The following MMP17 variants were observed in gnomAD, a reference collection of about 807,000 sequenced individuals.
MMP17 encodes matrix metalloproteinase-17.
MMP17 carries 54 observed loss-of-function variants against 49.1 expected under a neutral mutation model. The observed-to-expected ratio is 1.10, with a 90% CI of 0.88 to 1.38. MMP17 has a LOEUF of 1.38. Among genes scored for constraint, MMP17 ranks in the 40% most tolerant of loss-of-function variants. The pLI is 0.00. For synonymous variants in MMP17, 397 were observed against 383.1 expected (o/e 1.04, Z -0.42); for missense variants, 837 against 853.7 (o/e 0.98, Z 0.24).
rs534877096 is a variant in MMP17, at chr12:131,850,030, C to T, written c.1433C>T (p.Thr478Met). 16 of 1,612,844 alleles carry T rather than the reference C, an allele frequency of 9.9e-6. No homozygotes were observed. Among genetic ancestry groups the T allele is most frequent in the South Asian group, 4.4e-5 (4 of 91,074 alleles). ...CCCCTGTGGAGGGGTGTCCCCAGCACGCTGGACGACGCCATGCGCTGGTCC... is the reference window on the plus strand; with the variant it reads ...CCCCTGTGGAGGGGTGTCCCCAGCATGCTGGACGACGCCATGCGCTGGTCC... ...QSPLWRGVPS[T>M]LDDAMRWSDG... Residue 478 changes from threonine (T) to methionine (M), a missense_variant, in exon 9 of 10, where the codon ACG becomes ATG. Physicochemically the swap from Thr to Met is moderately conservative, Grantham distance 81. Transcript: ENST00000360564.
In MMP17 at chr12:131,845,198, A is replaced by G; in HGVS notation, c.1049A>G (p.Lys350Arg). ...ATCCGGGGTGAAGCTTTCTTCTTCA[A>G]AGGTACCTCCAGGGTTCCCGTGGCG... ...AQIRGEAFFFKGKYFWRLTRD... is the reference protein window; with the variant it reads ...AQIRGEAFFFRGKYFWRLTRD... The change falls in exon 7 of 10, where the codon AAA becomes AGA. Residue 350 changes from lysine to arginine, a missense_variant and splice_region_variant. By Grantham distance (26) the Lys-to-Arg change is conservative (BLOSUM62 2). Coordinates refer to ENST00000360564, the MANE Select transcript of MMP17 (RefSeq NM_016155.7). 3 of 1,613,986 alleles carry G rather than the reference A, an allele frequency of 1.9e-6. No individual in the cohort carries two copies. The highest frequency in any genetic ancestry group is 1.7e-5 in the Admixed American group (1 of 60,028).
intron 8 of MMP17, among the ~76,000 whole-genome samples, chr12:131,848,370 G>A (rs999294468): frequency 6.6e-6 from 1 of 152,242 alleles, no homozygotes; most frequent in African/African-American, 2.4e-5. Flanking sequence ...ACAGGCATGA[G>A]CCACCACTCC....
Position 131,840,789 on chromosome 12 carries a change from CG to C in MMP17, c.641del (p.Gly214AlafsTer43). ...GGTVAHAFFPGHHHTAGDTHF... is the reference protein window; with the variant it reads ...GGTVAHAFFPXHHHTAGDTHF... ...GCACCGTGGCCCACGCCTTCTTCCCCGGCCACCACCACACCGCCGGGGACAC... is the reference window on the plus strand; with the variant it reads ...GCACCGTGGCCCACGCCTTCTTCCCCGCCACCACCACACCGCCGGGGACAC... On this transcript the variant is annotated frameshift_variant, in exon 4 of 10. Coordinates refer to ENST00000360564, the MANE Select transcript of MMP17 (RefSeq NM_016155.7). LOFTEE classifies it high-confidence loss of function. 1 of 1,605,992 alleles carries C rather than the reference CG, an allele frequency of 6.2e-7. No homozygotes were observed. Among genetic ancestry groups the C allele is most frequent in the Non-Finnish European group, 8.5e-7 (1 of 1,179,760 alleles).
Position 131,851,359 on chromosome 12 carries a change from A to C in MMP17, c.*85A>C. 1 of 1,223,066 alleles carries C rather than the reference A, an allele frequency of 8.2e-7. No homozygotes were observed. The highest frequency in any genetic ancestry group is 1.0e-6 in the Non-Finnish European group (1 of 955,136). The allele number at this position is 1,223,066 out of a possible 1,614,324, so 75.8% of individuals were successfully genotyped here. ...AGGACTGTGCCGGAGTCCCTGGGGGAGGTGCTGGCGCGGGATGAGGACGGG... is the reference window on the plus strand; with the variant it reads ...AGGACTGTGCCGGAGTCCCTGGGGGCGGTGCTGGCGCGGGATGAGGACGGG... On this transcript the variant is annotated 3_prime_UTR_variant, in exon 10 of 10. Coordinates refer to ENST00000360564, the MANE Select transcript of MMP17 (RefSeq NM_016155.7).
At chr12:131,849,310 C>A (rs1287089620) in intron 8 of MMP17, among the ~76,000 whole-genome samples, 2 of 152,096 alleles carry the variant, frequency 1.3e-5, no homozygotes. Context: ...ATGGTGAAAC[C>A]CCGTCTCTAC....
chr12:131,845,318 C>T lies in MMP17; in HGVS notation c.1073C>T (p.Thr358Met), dbSNP rs765048138. ...CCAGGCAAGTACTTCTGGCGGCTGA[C>T]GCGGGACCGGCACCTGGTGTCCCTG... ...FFKGKYFWRLTRDRHLVSLQP... is the reference protein window; with the variant it reads ...FFKGKYFWRLMRDRHLVSLQP... The change falls in exon 8 of 10, where the codon ACG becomes ATG. Residue 358 changes from threonine to methionine, a missense_variant. Transcript: ENST00000360564. The T allele has an allele frequency of 4.3e-5, 69 of 1,606,326 alleles. No homozygotes were observed. The highest frequency in any genetic ancestry group is 1.7e-4 in the Admixed American group (10 of 59,798).
chr12:131,828,414 A>G lies in MMP17; in HGVS notation c.-81A>G, dbSNP rs1381201668. 14 of 815,868 alleles carry G rather than the reference A, an allele frequency of 1.7e-5. No individual in the cohort carries two copies. Among genetic ancestry groups the G allele is most frequent in the African/African-American group, 3.7e-5 (2 of 53,636 alleles). 50.5% of individuals were successfully genotyped at this position (815,868 alleles called of 1,614,324 possible). On this transcript the variant is annotated 5_prime_UTR_variant, in exon 1 of 10. Transcript: ENST00000360564. ...GCTCAGTCCGGCGGGGGCGCCGCGGAGAGCGGAGGGCGCCGGGCTGCGGAA... is the reference window on the plus strand; with the variant it reads ...GCTCAGTCCGGCGGGGGCGCCGCGGGGAGCGGAGGGCGCCGGGCTGCGGAA...
Position 131,849,875 on chromosome 12 carries a change from C to T in MMP17, c.1278C>T (p.Leu426=), listed in dbSNP as rs983813336. The stretch of plus-strand genomic sequence containing the variant: ...CGCGCCCCGTCTCCGACTTCAGCCT[C>T]CCGCCTGGCGGCATCGACGCTGCCT... ...GYPRPVSDFS[L]PPGGIDAAFS... is the part of the protein sequence containing the mutation. Residue 426 remains leucine, a synonymous_variant, in exon 9 of 10, where the codon CTC becomes CTT. Transcript: ENST00000360564. 6 of 1,613,944 alleles carry T rather than the reference C, an allele frequency of 3.7e-6. No homozygotes were observed. The highest frequency in any genetic ancestry group is 1.6e-4 in the Middle Eastern group (1 of 6,084).
rs1887343512 is a variant in MMP17, at chr12:131,840,645, G to A, written c.495G>A (p.Lys165=). ...TVRALMYYAL[K]VWSDIAPLNF... ...GTGCACTCATGTACTACGCCCTCAAGGTCTGGAGCGACATTGCGCCCCTGA... is the reference window on the plus strand; with the variant it reads ...GTGCACTCATGTACTACGCCCTCAAAGTCTGGAGCGACATTGCGCCCCTGA... Residue 165 remains lysine, a synonymous_variant, in exon 4 of 10, where the codon AAG becomes AAA. Coordinates refer to ENST00000360564, the MANE Select transcript of MMP17 (RefSeq NM_016155.7). 1.2e-6 allele frequency: 2 copies of A among 1,609,136 alleles called. No individual in the cohort carries two copies. The highest frequency in any genetic ancestry group is 1.7e-5 in the Admixed American group (1 of 60,010).
chr12:131,841,743 G>C lies in MMP17; in HGVS notation c.826G>C (p.Asp276His). 1 of 1,613,176 alleles carries C rather than the reference G, an allele frequency of 6.2e-7. No homozygotes were observed. The highest frequency in any genetic ancestry group is 8.5e-7 in the Non-Finnish European group (1 of 1,179,826). Residue 276 changes from aspartate (D) to histidine (H), a missense_variant, in exon 5 of 10, where the codon GAC (aspartate) becomes CAC (histidine). Coordinates refer to ENST00000360564, the MANE Select transcript of MMP17 (RefSeq NM_016155.7). ...GCCGTACTACCAGGGCCCGGTGGGTGACCCGCTGCGCTACGGGCTCCCCTA... is the reference window on the plus strand; with the variant it reads ...GCCGTACTACCAGGGCCCGGTGGGTCACCCGCTGCGCTACGGGCTCCCCTA... ...MRPYYQGPVGDPLRYGLPYED... is the reference protein window; with the variant it reads ...MRPYYQGPVGHPLRYGLPYED...
intron 1 of MMP17, among the ~76,000 whole-genome samples, chr12:131,830,798 C>T (rs1269058573): frequency 6.6e-6 from 1 of 152,164 alleles, no homozygotes; most frequent in Non-Finnish European, 1.5e-5. Flanking sequence ...TGAACAAGGC[C>T]GGGATTCAGG....
In MMP17 at chr12:131,851,357, G is replaced by A. The variant is rs1887966712; in HGVS notation, c.*83G>A. ...CAAGGACTGTGCCGGAGTCCCTGGG[G>A]GAGGTGCTGGCGCGGGATGAGGACG... On this transcript the variant is annotated 3_prime_UTR_variant, in exon 10 of 10. Coordinates refer to ENST00000360564, the MANE Select transcript of MMP17 (RefSeq NM_016155.7). 2 of 1,234,054 alleles carry A rather than the reference G, an allele frequency of 1.6e-6. No homozygotes were observed. Among genetic ancestry groups the A allele is most frequent in the East Asian group, 3.1e-5 (1 of 31,940 alleles). The allele number at this position is 1,234,054 out of a possible 1,614,324, so 76.4% of individuals were successfully genotyped here. A position where few individuals can be genotyped will look rare whatever the true frequency, so the allele number is the denominator to read the frequency against.
At chr12:131,835,896 T>C (rs1026906342) in intron 1 of MMP17, among the ~76,000 whole-genome samples, 1 of 152,194 alleles carries the variant, frequency 6.6e-6, no homozygotes, top group African/African-American at 2.4e-5. Context: ...CGGTGACTGA[T>C]CATGGGACAC....
chr12:131,846,499 T>G lies in MMP17; in HGVS notation c.1204+1050T>G, dbSNP rs1442164018. ...TGCAATTCTCCTGCCTCAGCCTCCC[T>G]AGTAGCTGGGATTACAAGGTGCCCG... On this transcript the variant is annotated intron_variant, in intron 8 of 9. Transcript: ENST00000360564. This position sits in a 1 kb window ranked among gnomAD's most constrained non-coding sequence, Gnocchi z 4.6. Among the ~76,000 whole-genome samples the G allele has an allele frequency of 6.6e-6, 1 of 152,040 alleles. No individual in the cohort carries two copies. Among genetic ancestry groups the G allele is most frequent in the Non-Finnish European group, 1.5e-5 (1 of 67,986 alleles).
At chr12:131,844,136 G>T in intron 6 of MMP17, 55 bp downstream of exon 6, 1 of 1,421,972 alleles carries the variant, frequency 7.0e-7, no homozygotes, top group Non-Finnish European at 9.6e-7. Context: ...CCTCATCCCT[G>T]TCCCACGCAA....
At chr12:131,840,530 G>A (rs1194103205) in intron 3 of MMP17, 43 bp from the exon 4 acceptor site, 5 of 1,533,328 alleles carry the variant, frequency 3.3e-6, no homozygotes, top group Non-Finnish European at 3.5e-6. Flanking sequence ...GGGGCACGTG[G>A]CCTGTTCTCC....
chr12:131,844,394 G>T, intron 6 of MMP17: 1 of 421,666 alleles, frequency 2.4e-6, no homozygotes, highest in Non-Finnish European at 4.2e-6. Context: ...CCAGCATCAG[G>T]AAGTCAGGCA....
intron 4 of MMP17, 128 bp from the exon 5 acceptor site, chr12:131,841,496 C>T: frequency 1.0e-6 from 1 of 956,904 alleles, no homozygotes; most frequent in East Asian, 2.4e-5. Context: ...CCTGCAGAAT[C>T]CCTCTGGCGC....
intron 9 of MMP17, 127 bp downstream of exon 9, chr12:131,850,186 T>C: frequency 7.7e-7 from 1 of 1,303,468 alleles, no homozygotes; most frequent in Non-Finnish European, 1.0e-6. Context: ...GCTCTGAGGG[T>C]CCCAGCCCCT....
Sources: allele counts gnomAD v4.1 joint callset (sites outside exome capture counted in the v4.1 genomes callset), GRCh38; gene constraint gnomAD v4.1.1; non-coding constraint Gnocchi (gnomAD v3.1); transcripts MANE v1.5; gene names NCBI Gene and HGNC (gene_info 2026-07-23, HGNC 2026-07-21).